The following LRRIQ3 variants were observed in gnomAD, a reference collection of about 807,000 sequenced individuals.
LRRIQ3 encodes leucine-rich repeat and IQ domain-containing protein 3.
In LRRIQ3, 75 loss-of-function variants were observed where a neutral mutation model predicts 59.3. The ratio of observed to expected loss-of-function variants is 1.26; its 90% confidence interval spans 1.05 to 1.53. The LOEUF (loss-of-function observed/expected upper bound fraction) is 1.53. Among genes scored for constraint, LRRIQ3 ranks in the 40% most tolerant of loss-of-function variants. The pLI is 0.00. For missense variants in LRRIQ3, 831 were observed against 710.0 expected (o/e 1.17, Z -1.94); for synonymous variants, 250 against 231.3 (o/e 1.08, Z -0.73).
At chr1:74,068,647 A>C (rs1570061330) in intron 6 of LRRIQ3, among the ~76,000 whole-genome samples, 1 of 152,110 alleles carries the variant, frequency 6.6e-6, no homozygotes, top group East Asian at 1.9e-4. Context: ...ACATAGATAC[A>C]AAAACAAAAT....
intron 5 of LRRIQ3, among the ~76,000 whole-genome samples, chr1:74,103,000 T>G (rs111288532): frequency 6.6e-6 from 1 of 152,034 alleles, no homozygotes; most frequent in South Asian, 2.1e-4. Flanking sequence ...GAACTACAAT[T>G]ATCTTTAGCC....
chr1:74,149,793 T>C (rs1647809430), intron 4 of LRRIQ3, among the ~76,000 whole-genome samples: 1 of 152,208 alleles, frequency 6.6e-6, no homozygotes, highest in Admixed American at 6.5e-5. Flanking sequence ...TACATGCATT[T>C]GTAGCTGCTA....
At chr1:74,152,179 A>G (rs151242292) in intron 4 of LRRIQ3, among the ~76,000 whole-genome samples, 2 of 152,142 alleles carry the variant, frequency 1.3e-5, no homozygotes, top group East Asian at 3.9e-4. Context: ...AGTGATAGAA[A>G]TGAGAAAAAA....
chr1:74,166,821 T>C (rs1283711240), intron 3 of LRRIQ3, among the ~76,000 whole-genome samples: 1 of 151,822 alleles, frequency 6.6e-6, no homozygotes. Flanking sequence ...AAAGAAGATA[T>C]ACAAATGGCC....
At chr1:74,092,501 T>C (rs1234022992) in intron 5 of LRRIQ3, among the ~76,000 whole-genome samples, 1 of 152,014 alleles carries the variant, frequency 6.6e-6, no homozygotes, top group African/African-American at 2.4e-5. Flanking sequence ...GTGACCCTTG[T>C]TATTATGGCT....
chr1:74,146,505 T>G (rs767325397), intron 4 of LRRIQ3, among the ~76,000 whole-genome samples: 10 of 152,150 alleles, frequency 6.6e-5, no homozygotes, highest in Non-Finnish European at 1.3e-4. Context: ...TCGATAAAAA[T>G]TAATAATTAT....
chr1:74,193,678 G>A (rs959858153), intron 1 of LRRIQ3, among the ~76,000 whole-genome samples: 1 of 152,020 alleles, frequency 6.6e-6, no homozygotes, highest in African/African-American at 2.4e-5. Flanking sequence ...ATTCACTGAA[G>A]CTTTCAGATA....
chr1:74,093,126 CA>C (rs796595541), intron 5 of LRRIQ3, among the ~76,000 whole-genome samples: 5,096 of 142,772 alleles, frequency 0.036, 296 homozygotes, highest in African/African-American at 0.12. Flanking sequence ...AATGTATTAC[CA>C]AAAAAAAAAA....
intron 5 of LRRIQ3, among the ~76,000 whole-genome samples, chr1:74,087,380 T>A (rs1646337611): frequency 1.1e-5 from 1 of 88,738 alleles, no homozygotes; most frequent in Non-Finnish European, 2.2e-5. Flanking sequence ...TAAAATTTTA[T>A]CTTTTTTTTT....
At chr1:74,143,670 ACACT>A (rs1647374385) in intron 4 of LRRIQ3, among the ~76,000 whole-genome samples, 1 of 151,654 alleles carries the variant, frequency 6.6e-6, no homozygotes, top group Admixed American at 6.6e-5. Context: ...ATTGTTGAAC[ACACT>A]CAGCATTCAG....
chr1:74,045,837 T>C (rs1654186340), intron 6 of LRRIQ3, among the ~76,000 whole-genome samples: 1 of 151,980 alleles, frequency 6.6e-6, no homozygotes, highest in African/African-American at 2.4e-5. Flanking sequence ...AGCCAATTCA[T>C]GAGTGAACTC....
chr1:74,041,399 T>G lies in LRRIQ3; in HGVS notation c.1532A>C (p.Lys511Thr), dbSNP rs1226633994. 5.6e-6 allele frequency: 9 copies of G among 1,613,814 alleles called. No homozygotes were observed. Among genetic ancestry groups the G allele is most frequent in the East Asian group, 2.2e-5 (1 of 44,846 alleles). ...TTGAACTAATAAACGCTCTGAAGCC[T>G]TTTGGGATTTTTCTTTTAGAAACAG... ...KALFLKEKSQ[K>T]ASERLLVQNL... Residue 511 changes from lysine to threonine, a missense_variant, in exon 7 of 8, where the codon AAG becomes ACG. Physicochemically the swap from Lys to Thr is moderately conservative, Grantham distance 78. Coordinates refer to ENST00000354431, the MANE Select transcript of LRRIQ3 (RefSeq NM_001105659.2).
chr1:74,065,223 T>C (rs1324286460), intron 6 of LRRIQ3, among the ~76,000 whole-genome samples: 1 of 152,114 alleles, frequency 6.6e-6, no homozygotes, highest in African/African-American at 2.4e-5. Flanking sequence ...CAAATGTTCA[T>C]CCCAGCTTAT....
In LRRIQ3 at chr1:74,140,090, T is replaced by G. The variant is rs564946643; in HGVS notation, c.707+15643A>C. Reference sequence around the variant, plus strand: ...TATTTAATACCCCAAACATCAGGAATAACATTTAATGTAAATAGTCCAAAT... The same window carrying G: ...TATTTAATACCCCAAACATCAGGAAGAACATTTAATGTAAATAGTCCAAAT... On this transcript the variant is annotated intron_variant, in intron 4 of 7. Transcript: ENST00000354431. Among the ~76,000 whole-genome samples the G allele has an allele frequency of 2.3e-3, 353 of 151,932 alleles. 1 individual carries two copies. Among genetic ancestry groups the G allele is most frequent in the South Asian group, 0.018 (89 of 4,820 alleles).
At chr1:74,152,737 C>T (rs1648069698) in intron 4 of LRRIQ3, among the ~76,000 whole-genome samples, 1 of 152,026 alleles carries the variant, frequency 6.6e-6, no homozygotes, top group Non-Finnish European at 1.5e-5. Flanking sequence ...TTCCAAATAC[C>T]ATTCCTTACT....
intron 5 of LRRIQ3, among the ~76,000 whole-genome samples, chr1:74,084,401 TA>T (rs1394777623): frequency 6.6e-6 from 1 of 151,780 alleles, no homozygotes; most frequent in Non-Finnish European, 1.5e-5. Context: ...GCAAGAAACC[TA>T]AACATGTGAA....
intron 5 of LRRIQ3, chr1:74,083,129 T>G (rs1203212656): frequency 6.6e-6 from 1 of 151,666 alleles, no homozygotes; most frequent in Non-Finnish European, 1.5e-5. Flanking sequence ...CGTGCTTATG[T>G]ATGTACATAT....
chr1:74,026,718 G>T lies in LRRIQ3; in HGVS notation c.*95C>A. ...ATATATAAATCCATCTTGTGATGTAGAGTATTTCTTGCTTTAGAGTATTAT... is the reference window on the plus strand; with the variant it reads ...ATATATAAATCCATCTTGTGATGTATAGTATTTCTTGCTTTAGAGTATTAT... On this transcript the variant is annotated 3_prime_UTR_variant, in exon 8 of 8. Coordinates refer to ENST00000354431, the MANE Select transcript of LRRIQ3 (RefSeq NM_001105659.2). The T allele has an allele frequency of 1.1e-6, 1 of 902,392 alleles. No individual in the cohort carries two copies. Among genetic ancestry groups the T allele is most frequent in the East Asian group, 2.7e-5 (1 of 37,678 alleles). The allele number at this position is 902,392 out of a possible 1,614,324, so 55.9% of individuals were successfully genotyped here. A position where few individuals can be genotyped will look rare whatever the true frequency, so the allele number is the denominator to read the frequency against.
At chr1:74,116,755 G>A (rs55793584) in intron 4 of LRRIQ3, among the ~76,000 whole-genome samples, 13,960 of 151,878 alleles carry the variant, frequency 0.092, 714 homozygotes, top group African/African-American at 0.12. Context: ...AATGCTATCT[G>A]CAAAGAGCTT....
Sources: gnomAD v4.1 joint callset for allele counts (sites outside exome capture counted in the v4.1 genomes callset) on GRCh38, gnomAD v4.1.1 for gene constraint, MANE v1.5 for transcripts, NCBI Gene and HGNC (gene_info 2026-07-23, HGNC 2026-07-21) for gene names.